CHODL: variants seen among roughly 807,000 people sequenced by gnomAD.
The protein encoded by CHODL is chondrolectin.
Under a neutral mutation model 34.5 loss-of-function variants are expected in CHODL, and 29 were observed. That is an observed-to-expected ratio of 0.84 (90% CI 0.63 to 1.15). The LOEUF (loss-of-function observed/expected upper bound fraction) is 1.15. Among genes scored for constraint, CHODL ranks in the 50% most tolerant of loss-of-function variants. CHODL has a pLI of 0.00. For synonymous variants in CHODL, 125 were observed against 116.1 expected, an observed-to-expected ratio of 1.08 and a Z score of -0.49; for missense variants, 332 against 332.5, an observed-to-expected ratio of 1.00 and a Z score of 0.01.
intron 2 of CHODL, among the ~76,000 whole-genome samples, chr21:18,099,625 A>C (rs1463447204): frequency 1.3e-5 from 2 of 152,078 alleles, no homozygotes; most frequent in Non-Finnish European, 2.9e-5. Context: ...AACTTTACCC[A>C]TAATGCTGAA....
At chr21:17,970,348 A>G (rs1161470853) in intron 1 of CHODL, among the ~76,000 whole-genome samples, 3 of 152,144 alleles carry the variant, frequency 2.0e-5, no homozygotes, top group Non-Finnish European at 4.4e-5. Flanking sequence ...ATTTGTTCCA[A>G]AATTGACAGG....
chr21:18,174,916 A>G (rs2073287428), intron 2 of CHODL, among the ~76,000 whole-genome samples: 1 of 152,238 alleles, frequency 6.6e-6, no homozygotes, highest in South Asian at 2.1e-4. Context: ...GCAGACTCTG[A>G]AAAAGTATCT....
At chr21:17,918,386 C>T (rs1162757635) in intron 1 of CHODL, among the ~76,000 whole-genome samples, 1 of 152,018 alleles carries the variant, frequency 6.6e-6, no homozygotes, top group Non-Finnish European at 1.5e-5. Context: ...AATGGACTTA[C>T]AGTTTCACAT....
intron 2 of CHODL, among the ~76,000 whole-genome samples, chr21:18,070,070 GTTCTT>G (rs1169960802): frequency 1.8e-5 from 2 of 111,950 alleles, no homozygotes; most frequent in Non-Finnish European, 3.3e-5. Flanking sequence ...TGTTCTTTTT[GTTCTT>G]TTCTTTTCTT....
intron 1 of CHODL, among the ~76,000 whole-genome samples, chr21:17,972,009 G>A (rs934711876): frequency 6.6e-6 from 1 of 152,100 alleles, no homozygotes; most frequent in Non-Finnish European, 1.5e-5. Context: ...GGTTCAACAC[G>A]TGCAAATCAA....
chr21:18,117,773 G>A (rs1005396259), intron 2 of CHODL, among the ~76,000 whole-genome samples: 1 of 151,914 alleles, frequency 6.6e-6, no homozygotes, highest in African/African-American at 2.4e-5. Context: ...TTAAAAGGGA[G>A]GTAGTTGTTA....
intron 2 of CHODL, among the ~76,000 whole-genome samples, chr21:18,176,936 C>T (rs2073322343): frequency 6.6e-6 from 1 of 151,976 alleles, no homozygotes; most frequent in Admixed American, 6.6e-5. Context: ...ATAAACACAA[C>T]ATTCATTGCA....
At chr21:17,986,256 G>C (rs1344758989) in intron 1 of CHODL, among the ~76,000 whole-genome samples, 2 of 151,970 alleles carry the variant, frequency 1.3e-5, no homozygotes, top group East Asian at 1.9e-4. Context: ...ATGGTGGTTT[G>C]CTGCACCCAT....
At position 18,143,589 on chromosome 21, in the gene CHODL, A is replaced by G. The variant is rs572713322; in HGVS notation, c.-44-112920A>G. On this transcript the variant is annotated intron_variant, in intron 2 of 6. Transcript: ENST00000400127. ...TTAACTGTGTTACTTTCGGCAATTTACTTAAACTCTATGAGTCTCACTTTT... is the reference window on the plus strand; with the variant it reads ...TTAACTGTGTTACTTTCGGCAATTTGCTTAAACTCTATGAGTCTCACTTTT... 4.6e-5 allele frequency among the ~76,000 whole-genome samples: 7 copies of G among 152,220 alleles called. No homozygotes were observed. In the East Asian group the frequency reaches 9.6e-4, roughly 21 times the overall value.
intron 2 of CHODL, among the ~76,000 whole-genome samples, chr21:18,123,887 A>T (rs1475062957): frequency 6.6e-6 from 1 of 152,086 alleles, no homozygotes; most frequent in African/African-American, 2.4e-5. Context: ...CCCTTTTGAT[A>T]CTATAAAGCC....
intron 2 of CHODL, among the ~76,000 whole-genome samples, chr21:18,155,059 GC>G (rs1403103318): frequency 3.9e-5 from 6 of 152,260 alleles, no homozygotes; most frequent in African/African-American, 1.4e-4. Context: ...GGGGCTTCTA[GC>G]AAATCTGTAC....
intron 2 of CHODL, among the ~76,000 whole-genome samples, chr21:18,167,066 C>G (rs926769753): frequency 2.0e-5 from 3 of 151,964 alleles, no homozygotes; most frequent in Admixed American, 2.0e-4. Context: ...ATTTCAGAGT[C>G]AGTTTGGTAA....
chr21:18,207,196 C>T (rs1326288475), intron 2 of CHODL, among the ~76,000 whole-genome samples: 2 of 150,780 alleles, frequency 1.3e-5, no homozygotes, highest in Non-Finnish European at 2.9e-5. Context: ...CATCTATGTC[C>T]CTGCAAAGGA....
chr21:18,158,786 C>T (rs1016945706), intron 2 of CHODL, among the ~76,000 whole-genome samples: 8 of 145,554 alleles, frequency 5.5e-5, no homozygotes, highest in East Asian at 2.0e-4. Flanking sequence ...TGCGGTGAGC[C>T]GAGGTGCTGC....
chr21:17,989,606 C>T (rs530431540), intron 1 of CHODL, among the ~76,000 whole-genome samples: 13 of 152,156 alleles, frequency 8.5e-5, no homozygotes, highest in South Asian at 2.1e-4. Flanking sequence ...GAAGTAACAC[C>T]ATGTGTTTGT....
intron 2 of CHODL, among the ~76,000 whole-genome samples, chr21:18,034,948 G>A (rs1485348106): frequency 6.6e-6 from 1 of 151,910 alleles, no homozygotes; most frequent in African/African-American, 2.4e-5. Flanking sequence ...TCTCAGATGA[G>A]AGAAACAGTT....
chr21:18,099,783 A>G (rs1400423489), intron 2 of CHODL: 1 of 152,142 alleles, frequency 6.6e-6, no homozygotes, highest in Non-Finnish European at 1.5e-5. Flanking sequence ...TGAAGTAGTT[A>G]CTTTGGATGC....
intron 2 of CHODL, among the ~76,000 whole-genome samples, chr21:18,096,657 T>C (rs546913760): frequency 9.1e-4 from 138 of 152,278 alleles, no homozygotes; most frequent in African/African-American, 3.2e-3. Context: ...TCAAACCCTG[T>C]TTCCTGTTAA....
intron 2 of CHODL, among the ~76,000 whole-genome samples, chr21:18,156,207 C>G (rs995564575): frequency 6.6e-6 from 1 of 152,182 alleles, no homozygotes; most frequent in Non-Finnish European, 1.5e-5. Context: ...AGGCAACTTA[C>G]GTTCAATCAA....
Sources: gnomAD v4.1 joint callset for allele counts (sites outside exome capture counted in the v4.1 genomes callset) on GRCh38, gnomAD v4.1.1 for gene constraint, MANE v1.5 for transcripts, NCBI Gene and HGNC (gene_info 2026-07-23, HGNC 2026-07-21) for gene names.